CDH8: variants seen among roughly 807,000 people sequenced by gnomAD.
The protein encoded by CDH8 is cadherin 8, also known as cadherin-8.
CDH8 carries 17 observed loss-of-function variants against 68.1 expected under a neutral mutation model. The observed-to-expected ratio is 0.25, with a 90% confidence interval of 0.17 to 0.37. CDH8 has a LOEUF of 0.37. CDH8 is among the 10% of genes least tolerant of loss of function. The pLI is 1.00. For missense variants in CDH8, 763 were observed against 999.3 expected, an observed-to-expected ratio of 0.76 and a Z score of 3.19; for synonymous variants, 372 against 365.1, an observed-to-expected ratio of 1.02 and a Z score of -0.21.
At chr16:62,034,011 A>C (rs1409168619) in intron 1 of CDH8, among the ~76,000 whole-genome samples, 1 of 152,190 alleles carries the variant, frequency 6.6e-6, no homozygotes, top group African/African-American at 2.4e-5. Context: ...ATAGCTCTAG[A>C]ATTTATTCCA....
At chr16:61,718,485 T>C (rs996712177) in intron 9 of CDH8, among the ~76,000 whole-genome samples, 9 of 151,272 alleles carry the variant, frequency 5.9e-5, no homozygotes, top group African/African-American at 1.9e-4. Flanking sequence ...AATCCTTCTA[T>C]AATGATATGA....
At chr16:61,755,508 T>C (rs1246072490) in intron 8 of CDH8, among the ~76,000 whole-genome samples, 1 of 152,082 alleles carries the variant, frequency 6.6e-6, no homozygotes, top group Non-Finnish European at 1.5e-5. Flanking sequence ...TTCAAAATAG[T>C]AGAAATAATA....
At chr16:61,688,788 T>C (rs757746027) in intron 10 of CDH8, among the ~76,000 whole-genome samples, 2 of 152,022 alleles carry the variant, frequency 1.3e-5, no homozygotes, top group African/African-American at 4.8e-5. Flanking sequence ...GCCTTTAGCA[T>C]ATAGGTCAAC....
chr16:61,653,683 G>T lies in CDH8; in HGVS notation c.2325C>A (p.Tyr775Ter), dbSNP rs765782647. 3.1e-6 allele frequency: 5 copies of T among 1,614,038 alleles called. No individual in the cohort carries two copies. Among genetic ancestry groups the T allele is most frequent in the Non-Finnish European group, 4.2e-6 (5 of 1,180,024 alleles). The stretch of plus-strand genomic sequence containing the variant: ...TAAAGCGGGGACCCCAGTCACTGAG[G>T]TAGTCAAAATTCTGGTCTGAGTCTG... ...TTSDSDQNFD[Y>*]LSDWGPRFKR... The change falls in exon 12 of 12, where the codon TAC becomes TAA. Residue 775 changes from tyrosine (Y) to a stop codon, truncating the protein, a stop_gained. Transcript: ENST00000577390. LOFTEE classifies it high-confidence loss of function.
At chr16:61,901,896 G>A (rs1349580466) in intron 2 of CDH8, among the ~76,000 whole-genome samples, 1 of 151,996 alleles carries the variant, frequency 6.6e-6, no homozygotes, top group Non-Finnish European at 1.5e-5. Context: ...AAAAAACTGG[G>A]TTAAGAATAT....
At chr16:61,716,316 C>A (rs1474711283) in intron 9 of CDH8, among the ~76,000 whole-genome samples, 1 of 151,610 alleles carries the variant, frequency 6.6e-6, no homozygotes, top group Non-Finnish European at 1.5e-5. Flanking sequence ...ACAAAAGATA[C>A]AATGATATAG....
chr16:61,982,020 G>A (rs571893429), intron 2 of CDH8, among the ~76,000 whole-genome samples: 9 of 151,596 alleles, frequency 5.9e-5, no homozygotes, highest in African/African-American at 1.9e-4. Flanking sequence ...TTGTATTGTC[G>A]TTGTCACTGT....
At chr16:61,833,207 ATAT>A (rs893642240) in intron 4 of CDH8, among the ~76,000 whole-genome samples, 85 of 151,544 alleles carry the variant, frequency 5.6e-4, no homozygotes, top group African/African-American at 2.0e-3. Context: ...TATATGTATA[ATAT>A]TATATACACA....
intron 10 of CDH8, among the ~76,000 whole-genome samples, chr16:61,657,177 T>C (rs1361389976): frequency 2.0e-5 from 3 of 152,076 alleles, no homozygotes; most frequent in Admixed American, 6.5e-5. Flanking sequence ...CAGTATCCTA[T>C]TGGTTTCCAA....
Position 61,811,959 on chromosome 16 carries a change from C to A in CDH8, c.1277+5520G>T, listed in dbSNP as rs924670114. Among the ~76,000 whole-genome samples, 7 of 152,222 alleles carry A rather than the reference C, an allele frequency of 4.6e-5. No homozygotes were observed. In the East Asian group the frequency reaches 1.4e-3, roughly 29 times the overall value. On this transcript the variant is annotated intron_variant, in intron 7 of 11. Coordinates refer to ENST00000577390, the MANE Select transcript of CDH8 (RefSeq NM_001796.5). ...TTTAGTTATGCAAAATAAATAAGTT[C>A]TAAAGATGTGCTGTAGAAGTTGCAC...
intron 1 of CDH8, among the ~76,000 whole-genome samples, chr16:62,025,188 A>G (rs949303629): frequency 1.3e-5 from 2 of 152,202 alleles, no homozygotes; most frequent in Admixed American, 6.5e-5. Context: ...ATGGATACAA[A>G]CAAGACCACC....
intron 9 of CDH8, among the ~76,000 whole-genome samples, chr16:61,714,762 A>G (rs141659243): frequency 6.7e-4 from 102 of 151,770 alleles, no homozygotes; most frequent in African/African-American, 2.2e-3. Flanking sequence ...GCGGGACAAG[A>G]GCTAATGTAG....
At chr16:61,924,320 C>T (rs796332237) in intron 2 of CDH8, among the ~76,000 whole-genome samples, 19 of 152,156 alleles carry the variant, frequency 1.2e-4, no homozygotes, top group African/African-American at 4.6e-4. Flanking sequence ...TATACACAAC[C>T]CTTTAACAAT....
intron 2 of CDH8, among the ~76,000 whole-genome samples, chr16:61,999,926 G>A (rs1275329766): frequency 6.6e-6 from 1 of 151,962 alleles, no homozygotes; most frequent in Non-Finnish European, 1.5e-5. Flanking sequence ...AGCCCCGCAT[G>A]CATTAGGTAT....
At chr16:61,741,296 T>C (rs1168825065) in intron 8 of CDH8, among the ~76,000 whole-genome samples, 1 of 152,168 alleles carries the variant, frequency 6.6e-6, no homozygotes, top group Non-Finnish European at 1.5e-5. Flanking sequence ...AGTCCTTTAG[T>C]AGATATATGT....
intron 4 of CDH8, among the ~76,000 whole-genome samples, chr16:61,849,423 C>T (rs937977514): frequency 6.6e-6 from 1 of 152,102 alleles, no homozygotes; most frequent in Admixed American, 6.6e-5. Context: ...GTCTATTGGC[C>T]TTGTGCCTAA....
intron 3 of CDH8, among the ~76,000 whole-genome samples, chr16:61,867,955 C>A (rs1963286682): frequency 6.6e-6 from 1 of 152,170 alleles, no homozygotes; most frequent in South Asian, 2.1e-4. Context: ...CCCCTCTCAT[C>A]CTCCCCTCCA....
At chr16:61,654,591 A>C (rs1236171043) in intron 11 of CDH8, among the ~76,000 whole-genome samples, 1 of 152,218 alleles carries the variant, frequency 6.6e-6, no homozygotes, top group African/African-American at 2.4e-5. Flanking sequence ...GTGAATGTCA[A>C]ATTTGCATGG....
At chr16:61,933,003 G>A (rs1204093537) in intron 2 of CDH8, among the ~76,000 whole-genome samples, 4 of 152,170 alleles carry the variant, frequency 2.6e-5, no homozygotes, top group Admixed American at 6.5e-5. Flanking sequence ...TCTTTGGTCA[G>A]TATAAATGAG....
Sources: allele counts gnomAD v4.1 joint callset (sites outside exome capture counted in the v4.1 genomes callset), GRCh38; gene constraint gnomAD v4.1.1; transcripts MANE v1.5; gene names NCBI Gene and HGNC (gene_info 2026-07-23, HGNC 2026-07-21).